AFF3: variants seen among roughly 807,000 people sequenced by gnomAD.
The protein encoded by AFF3 is AF4/FMR2 family member 3.
In AFF3, 32 loss-of-function variants were observed where a neutral mutation model predicts 129.7. The ratio of observed to expected loss-of-function variants is 0.25; its 90% CI spans 0.19 to 0.33. The LOEUF is 0.33. Ranked by LOEUF, AFF3 falls within the 10% of genes least tolerant of loss-of-function variation. The pLI is 1.00. For synonymous variants in AFF3, 644 were observed against 635.4 expected, an observed-to-expected ratio of 1.01 and a Z score of -0.20; for missense variants, 1,373 against 1,592.0, an observed-to-expected ratio of 0.86 and a Z score of 2.34.
chr2:99,658,099 G>C (rs147642002), intron 12 of AFF3, among the ~76,000 whole-genome samples: 2 of 152,176 alleles, frequency 1.3e-5, no homozygotes, highest in Non-Finnish European at 2.9e-5. Context: ...AAATGAAAAC[G>C]AAGGCAGATG....
intron 8 of AFF3, among the ~76,000 whole-genome samples, chr2:99,756,482 G>A (rs1682109302): frequency 6.6e-6 from 1 of 152,202 alleles, no homozygotes; most frequent in Non-Finnish European, 1.5e-5. Flanking sequence ...TGACCCCGTT[G>A]CCTTCCTTCT....
At chr2:99,649,598 T>C in intron 13 of AFF3, 28 bp downstream of exon 13, 1 of 1,611,122 alleles carries the variant, frequency 6.2e-7, no homozygotes, top group Non-Finnish European at 8.5e-7. Flanking sequence ...TAAAGCAATT[T>C]ATAGTTCATA....
intron 7 of AFF3, among the ~76,000 whole-genome samples, chr2:99,868,956 C>A (rs1024930341): frequency 6.6e-6 from 1 of 152,094 alleles, no homozygotes; most frequent in African/African-American, 2.4e-5. Flanking sequence ...CTGTGCATGG[C>A]TAACATTTTT....
chr2:99,767,756 G>A (rs1190363503), intron 8 of AFF3, among the ~76,000 whole-genome samples: 1 of 152,160 alleles, frequency 6.6e-6, no homozygotes, highest in Non-Finnish European at 1.5e-5. Flanking sequence ...AGGAGATTGA[G>A]ACCACGGTGA....
chr2:99,707,254 CA>C (rs1677487005), intron 11 of AFF3: 2 of 985,064 alleles, frequency 2.0e-6, no homozygotes, highest in Non-Finnish European at 2.4e-6. Flanking sequence ...GTGACATGTC[CA>C]AGATTAAAGG....
intron 8 of AFF3, among the ~76,000 whole-genome samples, chr2:99,772,155 G>C (rs552570708): frequency 6.6e-6 from 1 of 152,242 alleles, no homozygotes; most frequent in South Asian, 2.1e-4. Flanking sequence ...TAAACAAGAA[G>C]TGGGACAAAA....
chr2:99,990,369 G>A (rs2104580620), intron 7 of AFF3, among the ~76,000 whole-genome samples: 1 of 152,260 alleles, frequency 6.6e-6, no homozygotes, highest in Non-Finnish European at 1.5e-5. Flanking sequence ...GCACAACAAT[G>A]TGAACAGAGT....
chr2:99,833,750 C>T (rs1688668046), intron 8 of AFF3, among the ~76,000 whole-genome samples: 1 of 152,152 alleles, frequency 6.6e-6, no homozygotes, highest in African/African-American at 2.4e-5. Flanking sequence ...TATTACAGCA[C>T]TGGAACATTT....
At chr2:99,782,808 T>G (rs1214666472) in intron 8 of AFF3, among the ~76,000 whole-genome samples, 1 of 152,232 alleles carries the variant, frequency 6.6e-6, no homozygotes, top group Admixed American at 6.5e-5. Flanking sequence ...ACACAAAGTA[T>G]TTTAAACTAA....
intron 7 of AFF3, among the ~76,000 whole-genome samples, chr2:99,978,328 TA>T (rs1313873407): frequency 6.6e-6 from 1 of 151,730 alleles, no homozygotes; most frequent in African/African-American, 2.4e-5. Flanking sequence ...CAAAAGATGC[TA>T]ATAAGCTCAA....
At chr2:99,775,704 A>C (rs1683844864) in intron 8 of AFF3, among the ~76,000 whole-genome samples, 1 of 151,980 alleles carries the variant, frequency 6.6e-6, no homozygotes, top group Non-Finnish European at 1.5e-5. Flanking sequence ...AAAAAAAAAA[A>C]CCCAAGTCAG....
At chr2:99,975,861 T>A (rs1576464604) in intron 7 of AFF3, among the ~76,000 whole-genome samples, 4 of 82,596 alleles carry the variant, frequency 4.8e-5, no homozygotes, top group Non-Finnish European at 9.5e-5. Flanking sequence ...AAATAGAAGA[T>A]TAAAATGAAA....
At chr2:99,700,806 A>G (rs962926680) in intron 11 of AFF3, among the ~76,000 whole-genome samples, 6 of 152,188 alleles carry the variant, frequency 3.9e-5, no homozygotes, top group African/African-American at 1.2e-4. Context: ...AGATGGGGAC[A>G]GGGGGAAGGA....
At chr2:99,832,666 G>A (rs751278324) in intron 8 of AFF3, among the ~76,000 whole-genome samples, 5 of 152,204 alleles carry the variant, frequency 3.3e-5, no homozygotes, top group South Asian at 2.1e-4. Context: ...GTCCCTAACC[G>A]TTCAGATGGC....
At chr2:100,079,550 G>T (rs1293401000) in intron 4 of AFF3, among the ~76,000 whole-genome samples, 1 of 152,094 alleles carries the variant, frequency 6.6e-6, no homozygotes, top group Non-Finnish European at 1.5e-5. Context: ...AATTCAACTG[G>T]TATACACAGT....
At chr2:99,987,428 A>G (rs1179005110) in intron 7 of AFF3, among the ~76,000 whole-genome samples, 2 of 152,206 alleles carry the variant, frequency 1.3e-5, no homozygotes, top group African/African-American at 4.8e-5. Flanking sequence ...ACGTTAGTTT[A>G]GATCCATCCA....
intron 7 of AFF3, among the ~76,000 whole-genome samples, chr2:99,868,188 C>A (rs1277531784): frequency 6.6e-6 from 1 of 152,104 alleles, no homozygotes; most frequent in Non-Finnish European, 1.5e-5. Context: ...TCAGGTCTAC[C>A]CATTTTCCAC....
At chr2:99,923,012 C>T (rs1430950439) in intron 7 of AFF3, among the ~76,000 whole-genome samples, 2 of 152,096 alleles carry the variant, frequency 1.3e-5, no homozygotes, top group Non-Finnish European at 2.9e-5. Context: ...GGAGTAGCAA[C>T]CTTATAAATG....
chr2:99,920,060 T>C lies in AFF3; in HGVS notation c.874-82536A>G, dbSNP rs552947214. ...AATAACTCTATATCTGTTTAAGAAA[T>C]TGAATTTGAAATTAAAGAACTTCCC... On this transcript the variant is annotated intron_variant, in intron 7 of 24. Transcript: ENST00000672756. Among the ~76,000 whole-genome samples the C allele has an allele frequency of 7.9e-5, 12 of 152,112 alleles. No individual in the cohort carries two copies. In the South Asian group the frequency reaches 2.3e-3, roughly 29 times the overall value.
Sources: allele counts gnomAD v4.1 joint callset (sites outside exome capture counted in the v4.1 genomes callset), GRCh38; gene constraint gnomAD v4.1.1; transcripts MANE v1.5; gene names NCBI Gene and HGNC (gene_info 2026-07-23, HGNC 2026-07-21).